Variants in DERA observed in about 807,000 individuals in gnomAD.
The protein encoded by DERA is 2-deoxy-D-ribose 5-phosphate aldolase.
Under a neutral mutation model 41.1 loss-of-function variants are expected in DERA, and 15 were observed. The observed-to-expected ratio is 0.37, with a 90% CI of 0.24 to 0.56. The LOEUF (loss-of-function observed/expected upper bound fraction) is 0.56, where lower values mean the gene tolerates loss of function less well. DERA is among the 20% of genes least tolerant of loss of function. The pLI is 0.81. For missense variants in DERA, 396 were observed against 403.4 expected (o/e 0.98, Z 0.16); for synonymous variants, 139 against 137.4 (o/e 1.01, Z -0.08).
chr12:15,944,650 T>C (rs1461391681), intron 1 of DERA, among the ~76,000 whole-genome samples: 1 of 152,258 alleles, frequency 6.6e-6, no homozygotes, highest in Non-Finnish European at 1.5e-5. Flanking sequence ...AATGGATAGA[T>C]GGCAAAAATT....
Position 15,984,777 on chromosome 12 carries a change from GT to G in DERA, c.637+2344del, listed in dbSNP as rs1948753560. Among the ~76,000 whole-genome samples, 1 of 152,098 alleles carries G rather than the reference GT, an allele frequency of 6.6e-6. No homozygotes were observed. Among genetic ancestry groups the G allele is most frequent in the Admixed American group, 6.5e-5 (1 of 15,270 alleles). On this transcript the variant is annotated intron_variant, in intron 6 of 8. Coordinates refer to ENST00000428559, the MANE Select transcript of DERA (RefSeq NM_015954.4). The surrounding 1 kb of genome is among the most constrained non-coding windows in gnomAD (Gnocchi z 4.5). The stretch of plus-strand genomic sequence containing the variant: ...CATGTAGCATACTTCCTGGCCTATA[GT>G]TTATACTTCCTACTCTGTTAAGAAG...
rs1565616392 is a variant in DERA at position 16,021,491 on chromosome 12, G to T, written c.638-11051G>T. ...AGGGATTCTCTACTAAGGCAGTGCTGAAGGGAAATGTAGGGTGGAGCCCAC... is the reference window on the plus strand; with the variant it reads ...AGGGATTCTCTACTAAGGCAGTGCTTAAGGGAAATGTAGGGTGGAGCCCAC... On this transcript the variant is annotated intron_variant, in intron 6 of 8. Coordinates refer to ENST00000428559, the MANE Select transcript of DERA (RefSeq NM_015954.4). The surrounding 1 kb of genome is among the most constrained non-coding windows in gnomAD (Gnocchi z 5.3). 6.6e-6 allele frequency among the ~76,000 whole-genome samples: 1 copy of T among 152,258 alleles called. No individual in the cohort carries two copies. The highest frequency in any genetic ancestry group is 6.5e-5 in the Admixed American group (1 of 15,290).
chr12:15,951,648 T>C (rs1757862507), intron 1 of DERA, among the ~76,000 whole-genome samples: 1 of 152,244 alleles, frequency 6.6e-6, no homozygotes, highest in African/African-American at 2.4e-5. Flanking sequence ...GTAAGAATGT[T>C]TAAATATTAG....
intron 6 of DERA, among the ~76,000 whole-genome samples, chr12:16,007,687 A>G (rs185802788): frequency 6.6e-6 from 1 of 152,284 alleles, no homozygotes. Flanking sequence ...TCTCCCCATG[A>G]AGGGCAGGCA....
intron 6 of DERA, among the ~76,000 whole-genome samples, chr12:16,007,167 GTTTTTTTGTTTTTT>G (rs1192853414): frequency 3.6e-4 from 53 of 145,852 alleles, no homozygotes; most frequent in Middle Eastern, 3.6e-3. Flanking sequence ...TCTTTTTGGG[GTTTTTTTGTTTTTT>G]TTTTTTTGTT....
rs1054216058 is a variant in DERA, at chr12:15,965,686, T to C, written c.508+2739T>C. Among the ~76,000 whole-genome samples, 8 of 152,272 alleles carry C rather than the reference T, an allele frequency of 5.3e-5. No individual in the cohort carries two copies. The highest frequency in any genetic ancestry group is 1.7e-4 in the African/African-American group (7 of 41,550). On this transcript the variant is annotated intron_variant, in intron 5 of 8. Transcript: ENST00000428559. The surrounding 1 kb of genome is among the most constrained non-coding windows in gnomAD (Gnocchi z 4.1). ...TAGTGACCATTTAAAATGTCCACTTTCCTGAAATTTCTAACTTTTCCACCC... is the reference window on the plus strand; with the variant it reads ...TAGTGACCATTTAAAATGTCCACTTCCCTGAAATTTCTAACTTTTCCACCC...
Position 15,988,752 on chromosome 12 carries a change from G to A in DERA, c.637+6316G>A, listed in dbSNP as rs1948782430. 6.6e-6 allele frequency among the ~76,000 whole-genome samples: 1 copy of A among 152,126 alleles called. No individual in the cohort carries two copies. The highest frequency in any genetic ancestry group is 6.5e-5 in the Admixed American group (1 of 15,288). Reference sequence around the variant, plus strand: ...CAGGGACCCATCCCTTCCTGCCTAGGAACCTGTCTGCCTCCCACCACCATC... The same window carrying A: ...CAGGGACCCATCCCTTCCTGCCTAGAAACCTGTCTGCCTCCCACCACCATC... On this transcript the variant is annotated intron_variant, in intron 6 of 8. Coordinates refer to ENST00000428559, the MANE Select transcript of DERA (RefSeq NM_015954.4). This position sits in a 1 kb window ranked among gnomAD's most constrained non-coding sequence, Gnocchi z 6.0.
In DERA at chr12:15,954,898, A is replaced by G. The variant is rs1424341626; in HGVS notation, c.32-2038A>G. ...TGATCACGGTCAACAATTAGTTGGC[A>G]GTGAGTCTTGGAGTTCACATACTCT... is the stretch of plus-strand genomic sequence containing the variant. On this transcript the variant is annotated intron_variant, in intron 1 of 8. Coordinates refer to ENST00000428559, the MANE Select transcript of DERA (RefSeq NM_015954.4). The surrounding 1 kb of genome is among the most constrained non-coding windows in gnomAD (Gnocchi z 4.0). Among the ~76,000 whole-genome samples the G allele has an allele frequency of 6.6e-6, 1 of 152,076 alleles. No individual in the cohort carries two copies. Among genetic ancestry groups the G allele is most frequent in the African/African-American group, 2.4e-5 (1 of 41,412 alleles).
intron 1 of DERA, among the ~76,000 whole-genome samples, chr12:15,920,275 A>G (rs1406802729): frequency 2.0e-5 from 3 of 152,118 alleles, no homozygotes; most frequent in South Asian, 2.1e-4. Context: ...GCAGAAAGGC[A>G]TGTTTGTTAT....
chr12:16,032,433 C>A, intron 6 of DERA, 109 bp from the exon 7 acceptor site: 1 of 623,312 alleles, frequency 1.6e-6, no homozygotes, highest in South Asian at 2.2e-5. Context: ...TGAAAAATAA[C>A]ATTGGGTTTC....
chr12:15,957,743 T>C lies in DERA; in HGVS notation c.130-445T>C, dbSNP rs1196801149. On this transcript the variant is annotated intron_variant, in intron 2 of 8. Transcript: ENST00000428559. The surrounding 1 kb of genome is among the most constrained non-coding windows in gnomAD (Gnocchi z 4.8). ...GTTTTAAAAATGGAATTGGATTAAATTGAAAAAACACCAAAAAACTTGGAA... is the reference window on the plus strand; with the variant it reads ...GTTTTAAAAATGGAATTGGATTAAACTGAAAAAACACCAAAAAACTTGGAA... 1.3e-5 allele frequency among the ~76,000 whole-genome samples: 2 copies of C among 152,176 alleles called. No individual in the cohort carries two copies. Among genetic ancestry groups the C allele is most frequent in the African/African-American group, 2.4e-5 (1 of 41,454 alleles).
chr12:15,943,701 T>A lies in DERA; in HGVS notation c.32-13235T>A, dbSNP rs919543504. Among the ~76,000 whole-genome samples the A allele has an allele frequency of 1.5e-5, 2 of 135,468 alleles. No homozygotes were observed. Among genetic ancestry groups the A allele is most frequent in the Admixed American group, 7.9e-5 (1 of 12,626 alleles). The allele number at this position is 135,468 out of a possible 152,430, so 88.9% of individuals were successfully genotyped here. On this transcript the variant is annotated intron_variant, in intron 1 of 8. Coordinates refer to ENST00000428559, the MANE Select transcript of DERA (RefSeq NM_015954.4). The surrounding 1 kb of genome is among the most constrained non-coding windows in gnomAD (Gnocchi z 4.5). Reference sequence around the variant, plus strand: ...TTTCTGTTTCTTCTTTTTTATTTTTTAATTTTTATTTATTTATTTATTTAT... The same window carrying A: ...TTTCTGTTTCTTCTTTTTTATTTTTAAATTTTTATTTATTTATTTATTTAT...
At chr12:15,914,188 C>T (rs1295946849) in intron 1 of DERA, among the ~76,000 whole-genome samples, 1 of 152,042 alleles carries the variant, frequency 6.6e-6, no homozygotes, top group Non-Finnish European at 1.5e-5. Context: ...TGGAGACCAG[C>T]CTGGCCAACA....
At chr12:16,025,784 T>C (rs996073465) in intron 6 of DERA, among the ~76,000 whole-genome samples, 2 of 152,088 alleles carry the variant, frequency 1.3e-5, no homozygotes, top group African/African-American at 4.8e-5. Flanking sequence ...TTAACCAAGA[T>C]AGACCACATT....
intron 1 of DERA, among the ~76,000 whole-genome samples, chr12:15,929,531 C>G (rs982362721): frequency 1.3e-5 from 2 of 152,120 alleles, no homozygotes; most frequent in Non-Finnish European, 2.9e-5. Context: ...AGTATTTTAG[C>G]ACATGTTAGA....
At chr12:16,030,428 C>A (rs1002919557) in intron 6 of DERA, among the ~76,000 whole-genome samples, 13 of 152,102 alleles carry the variant, frequency 8.5e-5, no homozygotes, top group African/African-American at 2.9e-4. Flanking sequence ...GCTTTAATCT[C>A]TTCTTTTTGA....
At position 15,911,616 on chromosome 12, in the gene DERA, A is replaced by C; in HGVS notation, c.31+202A>C. ...GTTCGCGCCGCTTGTCTTTGCACCT[A>C]AGCTTTTACTCTTGTATGCGGAAGG... is the stretch of plus-strand genomic sequence containing the variant. On this transcript the variant is annotated intron_variant, in intron 1 of 8. Coordinates refer to ENST00000428559, the MANE Select transcript of DERA (RefSeq NM_015954.4). The surrounding 1 kb of genome is among the most constrained non-coding windows in gnomAD (Gnocchi z 4.5). 2 of 699,684 alleles carry C rather than the reference A, an allele frequency of 2.9e-6. No homozygotes were observed. Among genetic ancestry groups the C allele is most frequent in the South Asian group, 3.0e-5 (2 of 66,624 alleles). 43.3% of individuals were successfully genotyped at this position (699,684 alleles called of 1,614,324 possible). A position where few individuals can be genotyped will look rare whatever the true frequency, so the allele number is the denominator to read the frequency against.
At chr12:15,925,582 T>C (rs1948276107) in intron 1 of DERA, among the ~76,000 whole-genome samples, 1 of 152,186 alleles carries the variant, frequency 6.6e-6, no homozygotes, top group South Asian at 2.1e-4. Context: ...TGTAAAGGTA[T>C]ACATAGATTA....
chr12:15,959,118 G>A lies in DERA; in HGVS notation c.278-711G>A, dbSNP rs1413282638. Among the ~76,000 whole-genome samples, 1 of 150,902 alleles carries A rather than the reference G, an allele frequency of 6.6e-6. No individual in the cohort carries two copies. Among genetic ancestry groups the A allele is most frequent in the Admixed American group, 6.6e-5 (1 of 15,130 alleles). On this transcript the variant is annotated intron_variant, in intron 3 of 8. Transcript: ENST00000428559. This position sits in a 1 kb window ranked among gnomAD's most constrained non-coding sequence, Gnocchi z 4.5. The stretch of plus-strand genomic sequence containing the variant: ...CAGGTCTTTTATCCCAAATAAACAC[G>A]TTTAGGTTTGTAGGTAACATACAAA...
Sources: gnomAD v4.1 joint callset for allele counts (sites outside exome capture counted in the v4.1 genomes callset) on GRCh38, gnomAD v4.1.1 for gene constraint, Gnocchi (gnomAD v3.1) non-coding constraint, MANE v1.5 for transcripts, NCBI Gene and HGNC (gene_info 2026-07-23, HGNC 2026-07-21) for gene names.